The following HECW1 variants were observed in gnomAD, a reference collection of about 807,000 sequenced individuals.
The protein encoded by HECW1 is HECT, C2 and WW domain containing E3 ubiquitin protein ligase 1.
HECW1 carries 61 observed loss-of-function variants against 182.3 expected under a neutral mutation model. The observed-to-expected ratio is 0.33, with a 90% CI of 0.27 to 0.41. The LOEUF (loss-of-function observed/expected upper bound fraction) is 0.41. HECW1 is among the 10% of genes least tolerant of loss of function. The pLI, the probability that HECW1 is intolerant of heterozygous loss-of-function variation, is 1.00. For missense variants in HECW1, 1,739 were observed against 2,108.9 expected, an observed-to-expected ratio of 0.82 and a Z score of 3.44; for synonymous variants, 859 against 832.6, an observed-to-expected ratio of 1.03 and a Z score of -0.55.
chr7:43,389,348 T>A (rs2074927358), intron 6 of HECW1, among the ~76,000 whole-genome samples: 1 of 152,142 alleles, frequency 6.6e-6, no homozygotes, highest in African/African-American at 2.4e-5. Flanking sequence ...GGCCCAGCAA[T>A]GTGTGTTTTA....
At chr7:43,286,257 T>A (rs1804623146) in intron 3 of HECW1, among the ~76,000 whole-genome samples, 1 of 152,154 alleles carries the variant, frequency 6.6e-6, no homozygotes, top group Admixed American at 6.5e-5. Flanking sequence ...AAGAGACCTC[T>A]GAGATCCAAC....
In HECW1 at chr7:43,120,974, G is replaced by T. The variant is rs999614487; in HGVS notation, c.-32+6583G>T. 8.5e-5 allele frequency among the ~76,000 whole-genome samples: 13 copies of T among 152,132 alleles called. 1 individual carries two copies. Among genetic ancestry groups the T allele is most frequent in the Admixed American group, 5.2e-4 (8 of 15,278 alleles). On this transcript the variant is annotated intron_variant, in intron 2 of 29. Transcript: ENST00000395891. ...GGCAGATAAAACCCCCCTAAAAGCT[G>T]CTGGATTAGAGTTTAGATGATATTT...
At chr7:43,306,841 C>T (rs918595591) in intron 3 of HECW1, among the ~76,000 whole-genome samples, 1 of 151,966 alleles carries the variant, frequency 6.6e-6, no homozygotes, top group African/African-American at 2.4e-5. Context: ...TGATTTTCTG[C>T]TTTTAAGATT....
intron 6 of HECW1, among the ~76,000 whole-genome samples, chr7:43,379,849 G>T (rs944232947): frequency 6.6e-6 from 1 of 152,002 alleles, no homozygotes; most frequent in Non-Finnish European, 1.5e-5. Flanking sequence ...TTCATTCATG[G>T]TGCTCGTGTT....
At chr7:43,223,525 A>G (rs533496494) in intron 2 of HECW1, among the ~76,000 whole-genome samples, 39 of 152,264 alleles carry the variant, frequency 2.6e-4, no homozygotes, top group African/African-American at 9.4e-4. Context: ...AGGCCGAGGC[A>G]GGAGAATCGC....
chr7:43,488,353 A>C (rs1293798330), intron 17 of HECW1, among the ~76,000 whole-genome samples: 1 of 115,738 alleles, frequency 8.6e-6, no homozygotes, highest in Non-Finnish European at 1.8e-5. Context: ...GAAGGAAGGA[A>C]GGAAGGAAGG....
At chr7:43,383,593 A>G (rs10271714) in intron 6 of HECW1, among the ~76,000 whole-genome samples, 96,634 of 152,100 alleles carry the variant, frequency 0.64, 31,068 homozygotes, top group African/African-American at 0.72. Flanking sequence ...TTTGAGAAGC[A>G]TCTGTTCATA....
intron 17 of HECW1, among the ~76,000 whole-genome samples, chr7:43,488,981 G>A (rs898621716): frequency 6.6e-6 from 1 of 152,212 alleles, no homozygotes; most frequent in Non-Finnish European, 1.5e-5. Context: ...AGCTTTACCC[G>A]TGAGTGGGTG....
chr7:43,339,382 G>A (rs1052315359), intron 5 of HECW1, among the ~76,000 whole-genome samples: 1 of 151,990 alleles, frequency 6.6e-6, no homozygotes, highest in African/African-American at 2.4e-5. Context: ...TGCTCTACCT[G>A]ATCTCCTGCT....
At chr7:43,337,653 A>G (rs1812468005) in intron 5 of HECW1, among the ~76,000 whole-genome samples, 1 of 152,236 alleles carries the variant, frequency 6.6e-6, no homozygotes, top group African/African-American at 2.4e-5. Flanking sequence ...AACCTGCTTC[A>G]TCACAGCATC....
intron 17 of HECW1, among the ~76,000 whole-genome samples, chr7:43,482,547 G>A (rs75481540): frequency 0.029 from 4,400 of 152,224 alleles, 80 homozygotes; most frequent in South Asian, 0.1. Context: ...TGGTTGAGTG[G>A]CAAGAGAGAT....
intron 6 of HECW1, among the ~76,000 whole-genome samples, chr7:43,364,204 C>G (rs1816324990): frequency 6.6e-6 from 1 of 152,236 alleles, no homozygotes; most frequent in African/African-American, 2.4e-5. Context: ...TTGGTGTAAT[C>G]AGCGCTTTAA....
At chr7:43,137,910 T>C (rs577333068) in intron 2 of HECW1, among the ~76,000 whole-genome samples, 1 of 151,772 alleles carries the variant, frequency 6.6e-6, no homozygotes, top group Non-Finnish European at 1.5e-5. Context: ...GCAGCTCAAA[T>C]CCAGATGTCA....
intron 12 of HECW1, among the ~76,000 whole-genome samples, chr7:43,454,396 T>C (rs977404030): frequency 2.0e-5 from 3 of 152,230 alleles, no homozygotes; most frequent in Non-Finnish European, 4.4e-5. Flanking sequence ...TAGTTTGGGA[T>C]CCATTAAAAT....
chr7:43,127,580 A>G (rs1278803592), intron 2 of HECW1, among the ~76,000 whole-genome samples: 1 of 152,042 alleles, frequency 6.6e-6, no homozygotes, highest in Non-Finnish European at 1.5e-5. Context: ...GATATAAAGA[A>G]AGTTTTCATG....
chr7:43,563,904 G>A lies in HECW1; in HGVS notation c.*1978G>A, dbSNP rs548358310. On this transcript the variant is annotated 3_prime_UTR_variant, in exon 30 of 30. Coordinates refer to ENST00000395891, the MANE Select transcript of HECW1 (RefSeq NM_015052.5). ...AAATAAAAATAAAAGCATTTTTTTA[G>A]TAGGAATTATCTACAATGCCCAGCA... is the stretch of plus-strand genomic sequence containing the variant. 4 of 183,986 alleles carry A rather than the reference G, an allele frequency of 2.2e-5. No homozygotes were observed. Among genetic ancestry groups the A allele is most frequent in the Non-Finnish European group, 3.5e-5 (3 of 86,724 alleles). 11.4% of individuals were successfully genotyped at this position (183,986 alleles called of 1,614,324 possible). A position where few individuals can be genotyped will look rare whatever the true frequency, so the allele number is the denominator to read the frequency against.
intron 3 of HECW1, among the ~76,000 whole-genome samples, chr7:43,288,443 C>T (rs1307855834): frequency 6.6e-6 from 1 of 152,058 alleles, no homozygotes; most frequent in African/African-American, 2.4e-5. Flanking sequence ...AGTTGAACAC[C>T]CTCCTTAAAG....
At chr7:43,488,480 G>GAAAAGA (rs796672471) in intron 17 of HECW1, among the ~76,000 whole-genome samples, 69 of 147,780 alleles carry the variant, frequency 4.7e-4, no homozygotes, top group African/African-American at 1.7e-3. Context: ...AAGAAAGAAA[G>GAAAAGA]AAAGAAAGAG....
chr7:43,288,792 T>C (rs1188356724), intron 3 of HECW1, among the ~76,000 whole-genome samples: 1 of 152,248 alleles, frequency 6.6e-6, no homozygotes, highest in African/African-American at 2.4e-5. Flanking sequence ...TTCTCCACTC[T>C]TCTGACAAAT....
Sources: allele counts gnomAD v4.1 joint callset (sites outside exome capture counted in the v4.1 genomes callset), GRCh38; gene constraint gnomAD v4.1.1; transcripts MANE v1.5; gene names NCBI Gene and HGNC (gene_info 2026-07-23, HGNC 2026-07-21).